CNTNAP2: variants seen among roughly 807,000 people sequenced by gnomAD.
CNTNAP2 encodes the protein contactin associated protein 2.
Under a neutral mutation model 155.2 loss-of-function variants are expected in CNTNAP2, and 98 were observed. The observed-to-expected ratio is 0.63, with a 90% CI of 0.54 to 0.75. The LOEUF (loss-of-function observed/expected upper bound fraction) is 0.75, where lower values mean the gene tolerates loss of function less well. Among genes scored for constraint, CNTNAP2 ranks in the 30% least tolerant of loss-of-function variants. CNTNAP2 has a pLI of 0.00. For synonymous variants in CNTNAP2, 651 were observed against 631.2 expected (o/e 1.03, Z -0.47); for missense variants, 1,727 against 1,688.1 (o/e 1.02, Z -0.40).
intron 1 of CNTNAP2, among the ~76,000 whole-genome samples, chr7:146,641,957 A>AG (rs1207006955): frequency 1.3e-5 from 2 of 152,132 alleles, no homozygotes; most frequent in Non-Finnish European, 2.9e-5. Context: ...AATTAGCACT[A>AG]GTTTGTAAAT....
intron 1 of CNTNAP2, among the ~76,000 whole-genome samples, chr7:146,351,867 A>G (rs1194077267): frequency 2.0e-5 from 3 of 152,330 alleles, no homozygotes; most frequent in East Asian, 1.9e-4. Flanking sequence ...CATCACCTCT[A>G]TTCCCCAACT....
chr7:147,227,044 A>T (rs1257034383), intron 8 of CNTNAP2, among the ~76,000 whole-genome samples: 2 of 152,208 alleles, frequency 1.3e-5, no homozygotes, highest in East Asian at 3.8e-4. Flanking sequence ...AAAGTAAGGA[A>T]GGGGAGTGAA....
chr7:146,907,771 T>A (rs1252802506), intron 3 of CNTNAP2, among the ~76,000 whole-genome samples: 2 of 150,426 alleles, frequency 1.3e-5, no homozygotes, highest in Non-Finnish European at 3.0e-5. Flanking sequence ...GCTAACATCA[T>A]AATGACAGGA....
At chr7:147,151,295 T>G (rs1335950765) in intron 8 of CNTNAP2, among the ~76,000 whole-genome samples, 1 of 152,082 alleles carries the variant, frequency 6.6e-6, no homozygotes, top group African/African-American at 2.4e-5. Flanking sequence ...AAATGTTAAG[T>G]AAACCCAACG....
chr7:146,987,210 A>C (rs1326592336), intron 3 of CNTNAP2, among the ~76,000 whole-genome samples: 2 of 152,152 alleles, frequency 1.3e-5, no homozygotes, highest in African/African-American at 4.8e-5. Flanking sequence ...ATACGTTCCA[A>C]AATGCTTAAT....
At chr7:147,753,091 CAT>C (rs976378062) in intron 13 of CNTNAP2, among the ~76,000 whole-genome samples, 1 of 152,180 alleles carries the variant, frequency 6.6e-6, no homozygotes, top group African/African-American at 2.4e-5. Flanking sequence ...TATCTGGAAA[CAT>C]AATCCATTAT....
chr7:147,799,342 C>A (rs1797951712), intron 13 of CNTNAP2, among the ~76,000 whole-genome samples: 2 of 152,026 alleles, frequency 1.3e-5, no homozygotes, highest in Non-Finnish European at 2.9e-5. Flanking sequence ...CATCAATAAT[C>A]CTGTAGGCAT....
intron 3 of CNTNAP2, among the ~76,000 whole-genome samples, chr7:146,850,407 T>C (rs988403066): frequency 2.0e-5 from 3 of 152,236 alleles, no homozygotes; most frequent in African/African-American, 7.2e-5. Flanking sequence ...TGAAAACTCC[T>C]GTGATTTAGC....
chr7:146,855,632 A>G (rs1167385505), intron 3 of CNTNAP2, among the ~76,000 whole-genome samples: 2 of 151,836 alleles, frequency 1.3e-5, no homozygotes, highest in African/African-American at 2.4e-5. Context: ...GAGGAAACGT[A>G]TATATGGTTG....
At chr7:147,513,426 C>A (rs1799056898) in intron 11 of CNTNAP2, among the ~76,000 whole-genome samples, 1 of 152,122 alleles carries the variant, frequency 6.6e-6, no homozygotes, top group East Asian at 1.9e-4. Context: ...GGTAAAGCCA[C>A]TTTCTCTCTT....
chr7:147,091,205 A>G (rs894096713), intron 4 of CNTNAP2, among the ~76,000 whole-genome samples: 2 of 152,030 alleles, frequency 1.3e-5, no homozygotes, highest in Admixed American at 1.3e-4. Flanking sequence ...CGGTTTCCTC[A>G]TGGGCAAATA....
At chr7:148,254,395 A>C (rs964609710) in intron 20 of CNTNAP2, among the ~76,000 whole-genome samples, 5 of 152,234 alleles carry the variant, frequency 3.3e-5, no homozygotes, top group Non-Finnish European at 2.9e-5. Context: ...AATAAAGACG[A>C]AAATAAGAAA....
intron 14 of CNTNAP2, among the ~76,000 whole-genome samples, chr7:147,926,464 T>G (rs17237933): frequency 0.2 from 30,301 of 152,224 alleles, 3,692 homozygotes; most frequent in Middle Eastern, 0.34. Flanking sequence ...TTTTAATACC[T>G]TCACATACAC....
At chr7:147,544,173 G>T (rs901801677) in intron 11 of CNTNAP2, among the ~76,000 whole-genome samples, 5 of 152,108 alleles carry the variant, frequency 3.3e-5, no homozygotes, top group Non-Finnish European at 5.9e-5. Context: ...GTGTGTAAAT[G>T]TACAACATAT....
At chr7:148,357,551 T>A (rs1307202038) in intron 21 of CNTNAP2, among the ~76,000 whole-genome samples, 1 of 152,176 alleles carries the variant, frequency 6.6e-6, no homozygotes, top group Non-Finnish European at 1.5e-5. Context: ...AGGCTTCCCT[T>A]GATCCTGTGC....
At chr7:146,292,935 C>T (rs1334253751) in intron 1 of CNTNAP2, among the ~76,000 whole-genome samples, 1 of 151,970 alleles carries the variant, frequency 6.6e-6, no homozygotes, top group Non-Finnish European at 1.5e-5. Flanking sequence ...AAGAGAAATA[C>T]ATTATTCTTT....
At chr7:147,252,995 C>T (rs1804234376) in intron 8 of CNTNAP2, among the ~76,000 whole-genome samples, 1 of 152,154 alleles carries the variant, frequency 6.6e-6, no homozygotes, top group Non-Finnish European at 1.5e-5. Context: ...TCCTGTCATT[C>T]CACTTGATTC....
intron 1 of CNTNAP2, among the ~76,000 whole-genome samples, chr7:146,545,359 T>C (rs1210942226): frequency 1.3e-5 from 2 of 151,848 alleles, no homozygotes; most frequent in Non-Finnish European, 2.9e-5. Context: ...TTTTTAAAAA[T>C]ACTTTAAATT....
chr7:147,545,898 G>A (rs1335604542), intron 11 of CNTNAP2, among the ~76,000 whole-genome samples: 2 of 152,158 alleles, frequency 1.3e-5, no homozygotes, highest in African/African-American at 4.8e-5. Context: ...TATTCTCGTG[G>A]TAGTGAATAA....
Sources: gnomAD v4.1 joint callset for allele counts (sites outside exome capture counted in the v4.1 genomes callset) on GRCh38, gnomAD v4.1.1 for gene constraint, MANE v1.5 for transcripts, NCBI Gene and HGNC (gene_info 2026-07-23, HGNC 2026-07-21) for gene names.